Variants in L2HGDH observed in about 807,000 individuals in gnomAD.
The protein encoded by L2HGDH is L-2-hydroxyglutarate dehydrogenase.
In L2HGDH, 34 loss-of-function variants were observed where a neutral mutation model predicts 51.5. The observed-to-expected ratio is 0.66, with a 90% confidence interval of 0.50 to 0.88. L2HGDH has a LOEUF of 0.88. L2HGDH is among the 40% of genes least tolerant of loss of function. The pLI is 0.00. For missense variants in L2HGDH, 558 were observed against 571.9 expected (o/e 0.98, Z 0.25); for synonymous variants, 198 against 197.9 (o/e 1.00, Z -0.01).
intron 4 of L2HGDH, among the ~76,000 whole-genome samples, chr14:50,284,656 A>G (rs1053810914): frequency 6.6e-6 from 1 of 152,238 alleles, no homozygotes; most frequent in Non-Finnish European, 1.5e-5. Flanking sequence ...AATTTCACAC[A>G]CTAAGTACTG....
intron 3 of L2HGDH, among the ~76,000 whole-genome samples, chr14:50,294,737 T>C (rs2029929064): frequency 6.6e-6 from 1 of 152,232 alleles, no homozygotes; most frequent in Non-Finnish European, 1.5e-5. Context: ...TTTTGGAATA[T>C]ATTATAAAGT....
At chr14:50,311,267 G>T (rs558591130) in intron 1 of L2HGDH, 2 of 448,284 alleles carry the variant, frequency 4.5e-6, no homozygotes, top group Admixed American at 4.9e-5. Flanking sequence ...AAAAGTCAAC[G>T]TGTGGTTAAA....
chr14:50,283,874 C>T lies in L2HGDH; in HGVS notation c.700G>A (p.Asp234Asn), dbSNP rs368453223. Residue 234 changes from aspartate (D) to asparagine (N), a missense_variant, in exon 5 of 10, where the codon GAT becomes AAT. Coordinates refer to ENST00000267436, the MANE Select transcript of L2HGDH (RefSeq NM_024884.3). Reference protein sequence around the residue: ...MAKESPSRSIDGMQYPIVIKN... With the variant: ...MAKESPSRSINGMQYPIVIKN... Reference sequence around the variant, plus strand: ...AGAAAAGACAAGGATGGCTTACCATCTATACTTCTTGAAGGACTTTCTTTA... The same window carrying T: ...AGAAAAGACAAGGATGGCTTACCATTTATACTTCTTGAAGGACTTTCTTTA... 11 of 1,613,674 alleles carry T rather than the reference C, an allele frequency of 6.8e-6. No homozygotes were observed. The highest frequency in any genetic ancestry group is 1.1e-5 in the South Asian group (1 of 91,084).
At chr14:50,276,776 G>A (rs113244445) in intron 6 of L2HGDH, among the ~76,000 whole-genome samples, 5 of 152,256 alleles carry the variant, frequency 3.3e-5, no homozygotes, top group African/African-American at 1.2e-4. Context: ...CACCCAGTTT[G>A]TGCTATTTTG....
chr14:50,259,254 T>C (rs1389532410), intron 9 of L2HGDH, among the ~76,000 whole-genome samples: 2 of 151,648 alleles, frequency 1.3e-5, no homozygotes, highest in Non-Finnish European at 2.9e-5. Flanking sequence ...TAGGACTATA[T>C]GCATGAGCCA....
At chr14:50,278,401 C>A in intron 6 of L2HGDH, 119 bp downstream of exon 6, 2 of 438,826 alleles carry the variant, frequency 4.6e-6, no homozygotes, top group Admixed American at 4.0e-5. Flanking sequence ...GAAATTCTCT[C>A]AGAATTACAT....
chr14:50,291,693 A>G (rs1398603301), intron 4 of L2HGDH, among the ~76,000 whole-genome samples: 1 of 151,974 alleles, frequency 6.6e-6, no homozygotes, highest in African/African-American at 2.4e-5. Flanking sequence ...GAAAAAATAC[A>G]TTTTTTTTCC....
Position 50,269,348 on chromosome 14 carries a change from A to AAC in L2HGDH, c.739-20_739-19dup. ...TCCTCTCCCTAGTGCAAAATAAAAG[A>AAC]ACAGTTATTTGTATAAAGTGGAGTA... On this transcript the variant is annotated intron_variant, in intron 6 of 9. Transcript: ENST00000267436. 1 of 1,611,474 alleles carries AAC rather than the reference A, an allele frequency of 6.2e-7. No homozygotes were observed.
chr14:50,279,509 C>G (rs1474631054), intron 5 of L2HGDH, among the ~76,000 whole-genome samples: 1 of 151,968 alleles, frequency 6.6e-6, no homozygotes, highest in Admixed American at 6.6e-5. Context: ...GTGCTATTTC[C>G]AGACAGTCTG....
intron 7 of L2HGDH, among the ~76,000 whole-genome samples, chr14:50,268,664 A>C (rs1889494156): frequency 6.6e-6 from 1 of 152,204 alleles, no homozygotes; most frequent in Admixed American, 6.5e-5. Flanking sequence ...CCGAATACTG[A>C]CTATTTCATC....
intron 9 of L2HGDH, among the ~76,000 whole-genome samples, chr14:50,249,610 T>G (rs1042935216): frequency 6.6e-6 from 1 of 152,160 alleles, no homozygotes; most frequent in African/African-American, 2.4e-5. Context: ...ATACATTACC[T>G]GCTGACTAAA....
intron 4 of L2HGDH, among the ~76,000 whole-genome samples, chr14:50,290,209 G>C (rs1254128395): frequency 6.6e-6 from 1 of 152,110 alleles, no homozygotes; most frequent in Non-Finnish European, 1.5e-5. Flanking sequence ...GGAGCTTGCA[G>C]TGAGTCGAGA....
chr14:50,253,967 A>G (rs1000637710), intron 9 of L2HGDH, among the ~76,000 whole-genome samples: 1 of 152,114 alleles, frequency 6.6e-6, no homozygotes, highest in Non-Finnish European at 1.5e-5. Flanking sequence ...TGGGATCTAA[A>G]AATCAAAACA....
intron 6 of L2HGDH, among the ~76,000 whole-genome samples, chr14:50,277,129 A>T (rs1029637227): frequency 6.6e-6 from 1 of 152,078 alleles, no homozygotes; most frequent in Non-Finnish European, 1.5e-5. Flanking sequence ...AAGTGACAGG[A>T]TCTCAAAGGG....
At chr14:50,293,159 G>C in intron 4 of L2HGDH, 2 of 692,546 alleles carry the variant, frequency 2.9e-6, no homozygotes, top group South Asian at 1.5e-5. Context: ...TAGCACAGAA[G>C]AGGCAATGGA....
intron 9 of L2HGDH, among the ~76,000 whole-genome samples, chr14:50,256,931 A>ATG (rs1368885059): frequency 9.9e-5 from 15 of 151,948 alleles, no homozygotes; most frequent in South Asian, 8.3e-4. Flanking sequence ...TTTCTTTTCC[A>ATG]TGTCTTATTT....
At position 50,269,204 on chromosome 14, in the gene L2HGDH, T is replaced by G; in HGVS notation, c.865A>C (p.Lys289Gln). The change falls in exon 7 of 10, where the codon AAG becomes CAG. Residue 289 changes from lysine (K) to glutamine (Q), a missense_variant. Physicochemically the swap from Lys to Gln is moderately conservative, Grantham distance 53. Coordinates refer to ENST00000267436, the MANE Select transcript of L2HGDH (RefSeq NM_024884.3). ...VPFRGDYLLL[K>Q]PEKCYLVKGN... ...TTTACAAGATAACATTTTTCTGGCT[T>G]CAAAAGCAGGTAATCTCCCCGGAAT... is the stretch of plus-strand genomic sequence containing the variant. The G allele has an allele frequency of 1.9e-6, 3 of 1,613,956 alleles. No individual in the cohort carries two copies. Among genetic ancestry groups the G allele is most frequent in the Non-Finnish European group, 2.5e-6 (3 of 1,179,966 alleles).
At chr14:50,250,887 C>T (rs1326029542) in intron 9 of L2HGDH, among the ~76,000 whole-genome samples, 1 of 152,176 alleles carries the variant, frequency 6.6e-6, no homozygotes, top group Non-Finnish European at 1.5e-5. Context: ...GGAAAGCCTT[C>T]CCAAGAAGGA....
At chr14:50,296,461 A>C (rs2030061146) in intron 3 of L2HGDH, among the ~76,000 whole-genome samples, 1 of 151,348 alleles carries the variant, frequency 6.6e-6, no homozygotes, top group South Asian at 2.1e-4. Context: ...GAATACTATG[A>C]ACAACTGTAT....
Sources: allele counts gnomAD v4.1 joint callset (sites outside exome capture counted in the v4.1 genomes callset), GRCh38; gene constraint gnomAD v4.1.1; transcripts MANE v1.5; gene names NCBI Gene and HGNC (gene_info 2026-07-23, HGNC 2026-07-21).